PHF14: variants seen among roughly 807,000 people sequenced by gnomAD.
The protein encoded by PHF14 is PHD finger protein 14.
A neutral mutation model predicts 117.9 loss-of-function variants in PHF14; 55 were observed. The observed-to-expected ratio is 0.47, with a 90% confidence interval of 0.38 to 0.58. The LOEUF (loss-of-function observed/expected upper bound fraction) is 0.58. PHF14 is among the 20% of genes least tolerant of loss of function. PHF14 has a pLI of 0.00. For missense variants in PHF14, 978 were observed against 1,122.2 expected, an observed-to-expected ratio of 0.87 and a Z score of 1.84; for synonymous variants, 409 against 368.6, an observed-to-expected ratio of 1.11 and a Z score of -1.26.
intron 4 of PHF14, among the ~76,000 whole-genome samples, chr7:10,996,009 G>T (rs758720557): frequency 6.6e-6 from 1 of 152,246 alleles, no homozygotes; most frequent in African/African-American, 2.4e-5. Flanking sequence ...CCTCAAGTGC[G>T]GCCAGAGTGG....
rs112337047 is a variant in PHF14, at chr7:11,074,959, A to G, written c.2654+12874A>G. On this transcript the variant is annotated intron_variant, in intron 16 of 17. Transcript: ENST00000634607. ...TATCTTTTTTTTTTTTTTTTTTTAG[A>G]TGGAGTCTTGCTCTGTCACCCATGC... Among the ~76,000 whole-genome samples, 58 of 124,372 alleles carry G rather than the reference A, an allele frequency of 4.7e-4. 2 individuals carry two copies. The highest frequency in any genetic ancestry group is 1.7e-3 in the African/African-American group (55 of 31,706). 81.6% of individuals were successfully genotyped at this position (124,372 alleles called of 152,430 possible). A position where few individuals can be genotyped will look rare whatever the true frequency, so the allele number is the denominator to read the frequency against.
intron 14 of PHF14, among the ~76,000 whole-genome samples, chr7:11,060,220 C>T (rs1029916243): frequency 1.2e-4 from 19 of 152,180 alleles, no homozygotes; most frequent in Non-Finnish European, 2.8e-4. Context: ...TATCATCATT[C>T]ATTAGTTCTG....
intron 17 of PHF14, among the ~76,000 whole-genome samples, chr7:11,163,529 T>C (rs999811123): frequency 5.3e-5 from 8 of 152,184 alleles, no homozygotes; most frequent in Admixed American, 1.3e-4. Context: ...AGGCCAAAGG[T>C]TGTTAAATGT....
At chr7:11,081,714 G>A (rs1786110136) in intron 16 of PHF14, among the ~76,000 whole-genome samples, 1 of 151,862 alleles carries the variant, frequency 6.6e-6, no homozygotes, top group African/African-American at 2.4e-5. Flanking sequence ...AAATTAGCGG[G>A]GTGTGGTGGC....
At chr7:11,023,585 G>A (rs887523640) in intron 6 of PHF14, among the ~76,000 whole-genome samples, 3 of 152,274 alleles carry the variant, frequency 2.0e-5, no homozygotes, top group Non-Finnish European at 2.9e-5. Context: ...CCAGCACTTC[G>A]GGAGGCCAAG....
chr7:11,152,806 CAAA>C (rs1305599311), intron 17 of PHF14, among the ~76,000 whole-genome samples: 2 of 152,144 alleles, frequency 1.3e-5, no homozygotes, highest in African/African-American at 4.8e-5. Context: ...TGCATAAAGT[CAAA>C]GAACTCACTC....
intron 17 of PHF14, among the ~76,000 whole-genome samples, chr7:11,113,147 T>A (rs1020247549): frequency 1.1e-4 from 16 of 152,102 alleles, no homozygotes; most frequent in African/African-American, 3.1e-4. Context: ...CCACCTTTTT[T>A]AAATATACCT....
chr7:11,058,416 A>G (rs1785094504), intron 14 of PHF14, among the ~76,000 whole-genome samples: 1 of 152,168 alleles, frequency 6.6e-6, no homozygotes, highest in Non-Finnish European at 1.5e-5. Context: ...AAAAAATCCC[A>G]TAGCTTTCAA....
At chr7:11,112,107 G>A (rs1449230994) in intron 17 of PHF14, among the ~76,000 whole-genome samples, 1 of 152,120 alleles carries the variant, frequency 6.6e-6, no homozygotes, top group Non-Finnish European at 1.5e-5. Flanking sequence ...GTTAAAGTGA[G>A]TAAGTAAATA....
intron 5 of PHF14, among the ~76,000 whole-genome samples, chr7:11,019,708 T>C (rs1783664966): frequency 6.6e-6 from 1 of 152,182 alleles, no homozygotes; most frequent in African/African-American, 2.4e-5. Context: ...CATTGATCTT[T>C]TGTATATGTT....
Position 11,106,735 on chromosome 7 carries a change from A to AT in PHF14, c.2655-4608dup, listed in dbSNP as rs1330698116. ...TAAGTAATGACAGTATTCAAGACTA[A>AT]TTTTTTTGAACATTCTTGTGATGGA... is the stretch of plus-strand genomic sequence containing the variant. On this transcript the variant is annotated intron_variant, in intron 16 of 17. Transcript: ENST00000634607. 21 of 983,770 alleles carry AT rather than the reference A, an allele frequency of 2.1e-5. No individual in the cohort carries two copies. In the South Asian group the frequency reaches 6.1e-4, roughly 29 times the overall value. 60.9% of individuals were successfully genotyped at this position (983,770 alleles called of 1,614,324 possible). A position where few individuals can be genotyped will look rare whatever the true frequency, so the allele number is the denominator to read the frequency against.
At chr7:11,069,561 A>G (rs1785538114) in intron 16 of PHF14, among the ~76,000 whole-genome samples, 1 of 151,392 alleles carries the variant, frequency 6.6e-6, no homozygotes, top group South Asian at 2.1e-4. Flanking sequence ...TTTATTTGCT[A>G]ATATTTTGAT....
At chr7:11,167,989 G>A (rs1789254132) in intron 17 of PHF14, among the ~76,000 whole-genome samples, 1 of 147,100 alleles carries the variant, frequency 6.8e-6, no homozygotes, top group Non-Finnish European at 1.5e-5. Context: ...TCGCGCCACT[G>A]CACTCCAGCC....
chr7:11,035,585 T>TA, intron 7 of PHF14, 55 bp from the exon 8 acceptor site: 2 of 1,162,572 alleles, frequency 1.7e-6, no homozygotes, highest in Non-Finnish European at 1.2e-6. Context: ...GTTAGGTCTT[T>TA]TATGACTCTT....
chr7:11,140,179 A>G (rs756557502), intron 17 of PHF14, among the ~76,000 whole-genome samples: 1 of 151,502 alleles, frequency 6.6e-6, no homozygotes. Context: ...TCTACCAACA[A>G]CTCTACACAT....
chr7:11,044,190 G>C (rs1369658488), intron 13 of PHF14, among the ~76,000 whole-genome samples: 1 of 151,974 alleles, frequency 6.6e-6, no homozygotes, highest in Non-Finnish European at 1.5e-5. Flanking sequence ...GGGGAGCAAG[G>C]TTTGAAAAAC....
intron 16 of PHF14, among the ~76,000 whole-genome samples, chr7:11,075,564 G>GT (rs3073111): frequency 0.038 from 4,153 of 109,850 alleles, 168 homozygotes; most frequent in African/African-American, 0.049. Context: ...AAGGAAAGAG[G>GT]TTTTTTTTTT....
rs530265628 is a variant in PHF14, at chr7:11,121,103, T to C, written c.2772+9636T>C. On this transcript the variant is annotated intron_variant, in intron 17 of 17. Coordinates refer to ENST00000634607, the MANE Select transcript of PHF14 (RefSeq NM_001007157.2). The stretch of plus-strand genomic sequence containing the variant: ...GTCCACTTTGTCAAGGTGTATGCAG[T>C]TTCTGATAACAAAAGTTTCATCATC... 6.6e-5 allele frequency among the ~76,000 whole-genome samples: 10 copies of C among 152,274 alleles called. 1 individual carries two copies. The highest frequency in any genetic ancestry group is 2.2e-4 in the African/African-American group (9 of 41,578).
At chr7:11,026,107 A>AT (rs1562426591) in intron 6 of PHF14, among the ~76,000 whole-genome samples, 10 of 83,938 alleles carry the variant, frequency 1.2e-4, no homozygotes, top group African/African-American at 1.7e-4. Context: ...GTGAGACTCC[A>AT]TCAAAAAAAA....
Sources: gnomAD v4.1 joint callset for allele counts (sites outside exome capture counted in the v4.1 genomes callset) on GRCh38, gnomAD v4.1.1 for gene constraint, MANE v1.5 for transcripts, NCBI Gene and HGNC (gene_info 2026-07-23, HGNC 2026-07-21) for gene names.